Variants in SLC25A45 observed in about 807,000 individuals in gnomAD.
The protein encoded by SLC25A45 is solute carrier family 25 member 45.
In SLC25A45, 22 loss-of-function variants were observed where a neutral mutation model predicts 23.0. That is an observed-to-expected ratio of 0.95 (90% confidence interval 0.68 to 1.36). The LOEUF (loss-of-function observed/expected upper bound fraction) is 1.36. SLC25A45 is among the 40% of genes most tolerant of loss of function. SLC25A45 has a pLI of 0.00. For synonymous variants in SLC25A45, 136 were observed against 155.0 expected, an observed-to-expected ratio of 0.88 and a Z score of 0.91; for missense variants, 355 against 383.5, an observed-to-expected ratio of 0.93 and a Z score of 0.62.
chr11:65,380,639 G>A, intron 2 of SLC25A45: 1 of 1,286,932 alleles, frequency 7.8e-7, no homozygotes, highest in Non-Finnish European at 1.0e-6. Context: ...GGCCCTGATG[G>A]GGGTCATGCC....
chr11:65,379,008 A>T, intron 5 of SLC25A45: 1 of 262,262 alleles, frequency 3.8e-6, no homozygotes, highest in Non-Finnish European at 7.4e-6. Flanking sequence ...CTGGGCTCAC[A>T]GCTCTGCGGG....
chr11:65,378,596 A>T (rs954323813), intron 5 of SLC25A45: 4 of 152,290 alleles, frequency 2.6e-5, no homozygotes, highest in African/African-American at 9.6e-5. Flanking sequence ...CGGGGGTCTC[A>T]TTAATCATTA....
intron 2 of SLC25A45, chr11:65,380,679 C>A (rs1487050260): frequency 9.0e-7 from 1 of 1,115,688 alleles, no homozygotes; most frequent in South Asian, 1.3e-5. Flanking sequence ...TTCTCCCCTC[C>A]CCTCCACCTG....
chr11:65,377,745 G>A (rs1855293170), intron 5 of SLC25A45: 1 of 152,796 alleles, frequency 6.5e-6, no homozygotes, highest in Non-Finnish European at 1.5e-5. Flanking sequence ...GTCCTGGTGA[G>A]GGTCAGTGCT....
At chr11:65,379,960 G>C in intron 3 of SLC25A45, 22 bp from the exon 4 acceptor site, 1 of 1,614,090 alleles carries the variant, frequency 6.2e-7, no homozygotes, top group Non-Finnish European at 8.5e-7. Context: ...GACAGAGCAG[G>C]TAGGGTGGCG....
chr11:65,376,302 G>T lies in SLC25A45; in HGVS notation c.*105C>A. 1 of 1,398,292 alleles carries T rather than the reference G, an allele frequency of 7.2e-7. No individual in the cohort carries two copies. Among genetic ancestry groups the T allele is most frequent in the Non-Finnish European group, 9.7e-7 (1 of 1,025,840 alleles). The allele number at this position is 1,398,292 out of a possible 1,614,324, so 86.6% of individuals were successfully genotyped here. ...GTGGGAGGCACCTTGGTTAGGAAGG[G>T]CTGAGCCTCTTGCACTGATTTGCAA... On this transcript the variant is annotated 3_prime_UTR_variant, in exon 7 of 7. Coordinates refer to ENST00000398802, the MANE Select transcript of SLC25A45 (RefSeq NM_182556.4).
At position 65,376,518 on chromosome 11, in the gene SLC25A45, C is replaced by G; in HGVS notation, c.756G>C (p.Gln252His). 1.2e-6 allele frequency: 2 copies of G among 1,614,220 alleles called. No homozygotes were observed. The highest frequency in any genetic ancestry group is 1.7e-6 in the Non-Finnish European group (2 of 1,180,042). ...MLDCMVSSIR[Q>H]EGLGVFFRGV... ...CCCGGAAGAAGACTCCCAGTCCTTC[C>G]TGCCGGATGCTGCTCACCATGCAGT... The change falls in exon 7 of 7, where the codon CAG becomes CAC. Residue 252 changes from glutamine (Q) to histidine (H), a missense_variant. Coordinates refer to ENST00000398802, the MANE Select transcript of SLC25A45 (RefSeq NM_182556.4).
chr11:65,377,761 G>C (rs1158732036), intron 5 of SLC25A45: 1 of 152,418 alleles, frequency 6.6e-6, no homozygotes. Context: ...GTGCTGGGGG[G>C]ATGTAGAGGG....
chr11:65,379,109 C>G (rs1855385274), intron 5 of SLC25A45: 1 of 470,900 alleles, frequency 2.1e-6, no homozygotes, highest in African/African-American at 2.0e-5. Context: ...GGGGGGCAAG[C>G]CCCGTCAGCT....
intron 2 of SLC25A45, chr11:65,380,627 A>G: frequency 7.7e-7 from 1 of 1,291,376 alleles, no homozygotes; most frequent in Non-Finnish European, 1.0e-6. Flanking sequence ...GCAGAACTGC[A>G]GGGCCCTGAT....
In SLC25A45 at chr11:65,377,416, G is replaced by A. The variant is rs565522974; in HGVS notation, c.340-340C>T. 3.0e-5 allele frequency: 35 copies of A among 1,165,024 alleles called. No individual in the cohort carries two copies. In the African/African-American group the frequency reaches 5.3e-4, roughly 18 times the overall value. The allele number at this position is 1,165,024 out of a possible 1,614,324, so 72.2% of individuals were successfully genotyped here. A position where few individuals can be genotyped will look rare whatever the true frequency, so the allele number is the denominator to read the frequency against. On this transcript the variant is annotated intron_variant, in intron 5 of 6. Coordinates refer to ENST00000398802, the MANE Select transcript of SLC25A45 (RefSeq NM_182556.4). The stretch of plus-strand genomic sequence containing the variant: ...TTCTGGCCTCCCTAAAGCCGGCAGT[G>A]AGCATACCTGTACGGTGGGCAGGGC...
chr11:65,379,233 G>C, intron 5 of SLC25A45, 143 bp downstream of exon 5: 3 of 919,642 alleles, frequency 3.3e-6, no homozygotes, highest in Non-Finnish European at 4.9e-6. Flanking sequence ...CCTGCAGCCT[G>C]GAAGGCCATA....
At chr11:65,376,769 C>A in intron 6 of SLC25A45, 49 bp downstream of exon 6, 1 of 1,614,084 alleles carries the variant, frequency 6.2e-7, no homozygotes, top group South Asian at 1.1e-5. Context: ...CTGGACCCTG[C>A]CTGCTACCCA....
rs1855453561 is a variant in SLC25A45 at position 65,379,878 on chromosome 11, G to A, written c.142C>T (p.Arg48Cys). The change falls in exon 4 of 7, where the codon CGC becomes TGC. Residue 48 changes from arginine (R) to cysteine (C), a missense_variant. Coordinates refer to ENST00000398802, the MANE Select transcript of SLC25A45 (RefSeq NM_182556.4). ...AGTGGGCCACTCACGGACTCATGGC[G>A]GTAAATCTTGACCATGCAATCAACG... ...GIVDCMVKIY[R>C]HESLLGFFKG... is the part of the protein sequence containing the mutation. 9 of 1,614,200 alleles carry A rather than the reference G, an allele frequency of 5.6e-6. No homozygotes were observed. The highest frequency in any genetic ancestry group is 5.9e-6 in the Non-Finnish European group (7 of 1,180,024).
chr11:65,382,321 C>A lies in SLC25A45; in HGVS notation c.-19+165G>T. The A allele has an allele frequency of 3.3e-6, 1 of 305,022 alleles. No individual in the cohort carries two copies. The highest frequency in any genetic ancestry group is 6.4e-6 in the Non-Finnish European group (1 of 155,250). 18.9% of individuals were successfully genotyped at this position (305,022 alleles called of 1,614,324 possible). ...AAGAGGCAAGCCCCTGCCTGCCCAG[C>A]CAGCCCAGCTCCACTCCCATTCATC... is the stretch of plus-strand genomic sequence containing the variant. On this transcript the variant is annotated intron_variant, in intron 1 of 6. Transcript: ENST00000398802. This position sits in a 1 kb window ranked among gnomAD's most constrained non-coding sequence, Gnocchi z 4.4.
In SLC25A45 at chr11:65,376,870, G is replaced by A; in HGVS notation, c.546C>T (p.Phe182=). ...LRDTPTVGIY[F]ITYEGLCRQY... The stretch of plus-strand genomic sequence containing the variant: ...GGCGACAGAGCCCTTCATAGGTGAT[G>A]AAGTAGATCCCCACCGTGGGGGTGT... The change falls in exon 6 of 7, where the codon TTC becomes TTT. Residue 182 remains phenylalanine, a synonymous_variant. Transcript: ENST00000398802. 6.2e-7 allele frequency: 1 copy of A among 1,614,230 alleles called. No homozygotes were observed. Among genetic ancestry groups the A allele is most frequent in the Non-Finnish European group, 8.5e-7 (1 of 1,180,034 alleles).
chr11:65,381,052 C>A (rs1268403156), intron 2 of SLC25A45: 1 of 155,208 alleles, frequency 6.4e-6, no homozygotes, highest in Admixed American at 6.4e-5. Flanking sequence ...CACCCTCCCA[C>A]CTGTGCCTTC....
chr11:65,379,737 G>T, intron 4 of SLC25A45, 130 bp downstream of exon 4: 3 of 1,326,946 alleles, frequency 2.3e-6, no homozygotes, highest in South Asian at 1.3e-5. Flanking sequence ...TACCACCCAG[G>T]CCCCCCAAGG....
At chr11:65,379,751 C>A (rs1054856619) in intron 4 of SLC25A45, 116 bp downstream of exon 4, 5 of 1,417,974 alleles carry the variant, frequency 3.5e-6, no homozygotes, top group Non-Finnish European at 4.9e-6. Flanking sequence ...CCCAAGGATC[C>A]CAGACTTGGT....
Sources: gnomAD v4.1 joint callset for allele counts on GRCh38, gnomAD v4.1.1 for gene constraint, Gnocchi (gnomAD v3.1) non-coding constraint, MANE v1.5 for transcripts, NCBI Gene and HGNC (gene_info 2026-07-23, HGNC 2026-07-21) for gene names.